The following CLCN1 variants were observed in gnomAD, a reference collection of about 807,000 sequenced individuals.
CLCN1 encodes chloride channel protein 1.
CLCN1 carries 100 observed loss-of-function variants against 114.5 expected under a neutral mutation model. That is an observed-to-expected ratio of 0.87 (90% CI 0.74 to 1.03). The LOEUF (loss-of-function observed/expected upper bound fraction) is 1.03. Among genes scored for constraint, CLCN1 ranks in the 50% least tolerant of loss-of-function variants. The pLI is 0.00. For synonymous variants in CLCN1, 485 were observed against 487.1 expected (o/e 1.00, Z 0.06); for missense variants, 1,188 against 1,250.0 (o/e 0.95, Z 0.75).
rs1554433799 is a variant in CLCN1, at chr7:143,316,365, C to T, written c.153C>T (p.Gly51=). ...AGCACAGGCTCCGGAAGGATGCAGG[C>T]CCCCGCCACAACGTCCACCCCACAC... ...GLQHRLRKDA[G]PRHNVHPTQI... is the part of the protein sequence containing the mutation. Residue 51 remains glycine, a synonymous_variant, in exon 1 of 23, where the codon GGC becomes GGT. Coordinates refer to ENST00000343257, the MANE Select transcript of CLCN1 (RefSeq NM_000083.3). The T allele has an allele frequency of 6.2e-7, 1 of 1,612,466 alleles. No individual in the cohort carries two copies. The highest frequency in any genetic ancestry group is 8.5e-7 in the Non-Finnish European group (1 of 1,179,718).
At chr7:143,323,822 G>T (rs939249983) in intron 6 of CLCN1, 1 of 474,252 alleles carries the variant, frequency 2.1e-6, no homozygotes, top group Non-Finnish European at 4.4e-6. Context: ...GTTGCAGACC[G>T]TGCCTGGGCA....
rs750692293 is a variant in CLCN1, at chr7:143,346,159, T to G, written c.2192T>G (p.Leu731Arg). The G allele has an allele frequency of 1.4e-5, 23 of 1,611,446 alleles. No homozygotes were observed. In the South Asian group the frequency reaches 2.2e-4, roughly 15 times the overall value. Residue 731 changes from leucine to arginine, a missense_variant, in exon 18 of 23, where the codon CTC becomes CGC. Coordinates refer to ENST00000343257, the MANE Select transcript of CLCN1 (RefSeq NM_000083.3). ...GKSELPPSLA[L>R]HPSTTAPLSP... ...TTACAGCTTCCTCCTTCCCTTGCTC[T>G]CCACCCCTCTACTACTGCCCCTCTG...
At chr7:143,349,671 G>A (rs965128658) in intron 20 of CLCN1, among the ~76,000 whole-genome samples, 5 of 152,182 alleles carry the variant, frequency 3.3e-5, no homozygotes, top group African/African-American at 9.7e-5. Flanking sequence ...GTGCCATGAG[G>A]TCCAGTATAG....
intron 15 of CLCN1, 31 bp from the exon 16 acceptor site, chr7:143,342,341 G>A (rs746442783): frequency 6.2e-7 from 1 of 1,613,722 alleles, no homozygotes; most frequent in Non-Finnish European, 8.5e-7. Context: ...TATACGGTGG[G>A]GCTAACCCAC....
At chr7:143,320,553 TTCTCTCTCTCTCTCTC>T in intron 2 of CLCN1, 95 bp from the exon 3 acceptor site, 2 of 672,512 alleles carry the variant, frequency 3.0e-6, no homozygotes, top group Admixed American at 2.4e-5. Context: ...TTAGCTGCTT[TTCTCTCTCTCTCTCTC>T]TCTCTCTCTC....
intron 20 of CLCN1, among the ~76,000 whole-genome samples, chr7:143,349,557 G>C (rs1803341190): frequency 6.6e-6 from 1 of 152,196 alleles, no homozygotes; most frequent in African/African-American, 2.4e-5. Context: ...GGGAATTTTG[G>C]TGTGCGTATC....
Position 143,324,353 on chromosome 7 carries a change from T to G in CLCN1, c.775-61T>G. 8.1e-7 allele frequency: 1 copy of G among 1,237,998 alleles called. No individual in the cohort carries two copies. The highest frequency in any genetic ancestry group is 1.2e-6 in the Non-Finnish European group (1 of 837,834). The allele number at this position is 1,237,998 out of a possible 1,614,324, so 76.7% of individuals were successfully genotyped here. On this transcript the variant is annotated intron_variant, in intron 6 of 22. Coordinates refer to ENST00000343257, the MANE Select transcript of CLCN1 (RefSeq NM_000083.3). The surrounding 1 kb of genome is among the most constrained non-coding windows in gnomAD (Gnocchi z 4.6). ...TTATTCCCCATCCCTGCTTGTTCTG[T>G]CCTCTGCCTGCCCACCTCCCTCTCT...
At chr7:143,337,623 GCTTTAGCTGCTAC>G (rs1802942159) in intron 12 of CLCN1, among the ~76,000 whole-genome samples, 1 of 152,084 alleles carries the variant, frequency 6.6e-6, no homozygotes, top group Admixed American at 6.5e-5. Flanking sequence ...TTTGTCCTGA[GCTTTAGCTGCTAC>G]CTTCTTACAC....
At chr7:143,336,164 A>AT (rs1047976424) in intron 12 of CLCN1, among the ~76,000 whole-genome samples, 1 of 151,688 alleles carries the variant, frequency 6.6e-6, no homozygotes, top group Non-Finnish European at 1.5e-5. Flanking sequence ...GCTCTGTTGA[A>AT]TTTTTTTTCA....
At chr7:143,317,593 T>TA (rs1200877433) in intron 1 of CLCN1, among the ~76,000 whole-genome samples, 1 of 150,864 alleles carries the variant, frequency 6.6e-6, no homozygotes, top group Non-Finnish European at 1.5e-5. Flanking sequence ...TTTTTTTTTT[T>TA]AACAGGGAGC....
chr7:143,319,739 T>C lies in CLCN1; in HGVS notation c.181-16T>C. 1 of 1,613,260 alleles carries C rather than the reference T, an allele frequency of 6.2e-7. No individual in the cohort carries two copies. The highest frequency in any genetic ancestry group is 1.7e-4 in the Middle Eastern group (1 of 6,058). On this transcript the variant is annotated splice_polypyrimidine_tract_variant and intron_variant, in intron 1 of 22. Transcript: ENST00000343257. ...TCTTCCACAAGGCAGACACTGATCATTCTCTCTCTGTCCAGATTTATGGCC... is the reference window on the plus strand; with the variant it reads ...TCTTCCACAAGGCAGACACTGATCACTCTCTCTCTGTCCAGATTTATGGCC...
rs1803238967 is a variant in CLCN1 at position 143,346,196 on chromosome 7, G to C, written c.2229G>C (p.Glu743Asp). ...PSTTAPLSPE[E>D]PNGPLPGHKQ... ...CTACTGCCCCTCTGTCCCCAGAAGA[G>C]CCCAATGGGCCTCTGCCTGGCCACA... Residue 743 changes from glutamate (E) to aspartate (D), a missense_variant, in exon 18 of 23, where the codon GAG becomes GAC. Glu to Asp is a conservative substitution (Grantham distance 45). Transcript: ENST00000343257. 4 of 1,613,564 alleles carry C rather than the reference G, an allele frequency of 2.5e-6. No homozygotes were observed. Among genetic ancestry groups the C allele is most frequent in the Non-Finnish European group, 3.4e-6 (4 of 1,179,872 alleles).
In CLCN1 at chr7:143,346,167, TCTA is replaced by T; in HGVS notation, c.2206_2208del (p.Thr736del). 6.2e-7 allele frequency: 1 copy of T among 1,612,882 alleles called. No homozygotes were observed. Among genetic ancestry groups the T allele is most frequent in the Non-Finnish European group, 8.5e-7 (1 of 1,178,952 alleles). ...TCCTCCTTCCCTTGCTCTCCACCCC[TCTA>T]CTACTGCCCCTCTGTCCCCAGAAGA... On this transcript the variant is annotated inframe_deletion, in exon 18 of 23. Coordinates refer to ENST00000343257, the MANE Select transcript of CLCN1 (RefSeq NM_000083.3).
chr7:143,342,262 A>C, intron 15 of CLCN1, 110 bp from the exon 16 acceptor site: 1 of 1,477,162 alleles, frequency 6.8e-7, no homozygotes, highest in Non-Finnish European at 9.4e-7. Context: ...TTATATTCTC[A>C]TGCACCTAGT....
Position 143,325,375 on chromosome 7 carries a change from T to C in CLCN1, c.853+883T>C, listed in dbSNP as rs112627461. On this transcript the variant is annotated intron_variant, in intron 7 of 22. Transcript: ENST00000343257. ...AATCTTCCAGGGAACTAAAATGACT[T>C]GGTGCAGGAATGATAAGTGGAGAAG... is the stretch of plus-strand genomic sequence containing the variant. Among the ~76,000 whole-genome samples, 1,002 of 152,346 alleles carry C rather than the reference T, an allele frequency of 6.6e-3. 13 individuals are homozygous for C. Among genetic ancestry groups the C allele is most frequent in the African/African-American group, 0.022 (934 of 41,574 alleles).
Position 143,331,571 on chromosome 7 carries a change from G to C in CLCN1, c.1085G>C (p.Gly362Ala), listed in dbSNP as rs758597490. Reference protein sequence around the residue: ...AAIGICCGLLGAVFVYLHRQV... With the variant: ...AAIGICCGLLAAVFVYLHRQV... ...CTCAGGATTTGCTGTGGGCTCCTGG[G>C]AGCTGTATTTGTGTATCTGCATCGC... The change falls in exon 10 of 23, where the codon GGA (glycine) becomes GCA (alanine). Residue 362 changes from glycine to alanine, a missense_variant. By Grantham distance (60) the Gly-to-Ala change is moderately conservative. Coordinates refer to ENST00000343257, the MANE Select transcript of CLCN1 (RefSeq NM_000083.3). The C allele has an allele frequency of 5.0e-6, 8 of 1,613,802 alleles. No homozygotes were observed. The African/African-American group carries it at 1.1e-4, about 22-fold the overall frequency.
rs764258943 is a variant in CLCN1 at position 143,321,456 on chromosome 7, C to T, written c.525C>T (p.Ser175=). The change falls in exon 4 of 23, where the codon AGC becomes AGT. Residue 175 remains serine, a synonymous_variant. Coordinates refer to ENST00000343257, the MANE Select transcript of CLCN1 (RefSeq NM_000083.3). The surrounding 1 kb of genome is among the most constrained non-coding windows in gnomAD (Gnocchi z 4.2). ...VTFPLVLILF[S]ALFCHLISPQ... is the part of the protein sequence containing the mutation. ...TCCCACTAGTCCTCATCCTCTTCAGCGCCCTCTTCTGCCACCTCATCTCTC... is the reference window on the plus strand; with the variant it reads ...TCCCACTAGTCCTCATCCTCTTCAGTGCCCTCTTCTGCCACCTCATCTCTC... 3.6e-5 allele frequency: 58 copies of T among 1,614,064 alleles called. 1 individual carries two copies. In the South Asian group the frequency reaches 5.2e-4, roughly 14 times the overall value.
At chr7:143,349,431 G>A (rs141449886) in intron 20 of CLCN1, among the ~76,000 whole-genome samples, 11 of 151,436 alleles carry the variant, frequency 7.3e-5, no homozygotes, top group African/African-American at 2.4e-4. Context: ...GTGTAGATTT[G>A]GACAAATAGG....
chr7:143,320,619 TTG>T, intron 2 of CLCN1, 43 bp from the exon 3 acceptor site: 1 of 1,536,198 alleles, frequency 6.5e-7, no homozygotes, highest in South Asian at 1.1e-5. Context: ...GTTTGTTTGT[TTG>T]TTTGTTGTTT....
Sources: gnomAD v4.1 joint callset for allele counts (sites outside exome capture counted in the v4.1 genomes callset) on GRCh38, gnomAD v4.1.1 for gene constraint, Gnocchi (gnomAD v3.1) non-coding constraint, MANE v1.5 for transcripts, NCBI Gene and HGNC (gene_info 2026-07-23, HGNC 2026-07-21) for gene names.